The following GLI3 variants were observed in gnomAD, a reference collection of about 807,000 sequenced individuals.
The protein encoded by GLI3 is GLI family zinc finger 3.
In GLI3, 20 loss-of-function variants were observed where a neutral mutation model predicts 100.8. That is an observed-to-expected ratio of 0.20 (90% CI 0.14 to 0.29). The LOEUF (loss-of-function observed/expected upper bound fraction) is 0.29. GLI3 is among the 10% of genes least tolerant of loss of function. The pLI is 1.00. For missense variants in GLI3, 2,040 were observed against 2,128.5 expected (o/e 0.96, Z 0.82); for synonymous variants, 938 against 860.5 (o/e 1.09, Z -1.58).
chr7:42,004,459 A>G (rs1022390237), intron 10 of GLI3, among the ~76,000 whole-genome samples: 2 of 152,188 alleles, frequency 1.3e-5, no homozygotes, highest in Non-Finnish European at 2.9e-5. Context: ...ATAAAATAAA[A>G]AGAAACAAAA....
chr7:42,033,532 A>T (rs1376698681), intron 7 of GLI3, among the ~76,000 whole-genome samples: 1 of 152,214 alleles, frequency 6.6e-6, no homozygotes, highest in African/African-American at 2.4e-5. Context: ...GTCAGGCAAC[A>T]GGAACCACTG....
At chr7:42,238,256 G>A (rs1161568679), upstream of GLI3, among the ~76,000 whole-genome samples, 2 of 151,944 alleles carry the variant, frequency 1.3e-5, no homozygotes, top group African/African-American at 2.4e-5. Context: ...GCTGCGTCCT[G>A]TCTGCTCCCA....
intron 5 of GLI3, among the ~76,000 whole-genome samples, chr7:42,046,432 T>TA (rs750968097): frequency 6.6e-6 from 1 of 152,230 alleles, no homozygotes; most frequent in East Asian, 1.9e-4. Flanking sequence ...ATATACTTTT[T>TA]ATCCATGATA....
chr7:42,194,747 C>A (rs1367697701), intron 2 of GLI3, among the ~76,000 whole-genome samples: 1 of 126,644 alleles, frequency 7.9e-6, no homozygotes, highest in South Asian at 2.6e-4. Context: ...GCATCAACTT[C>A]TCTCTCTGTC....
chr7:42,158,688 A>T (rs549810136), intron 2 of GLI3, among the ~76,000 whole-genome samples: 83 of 152,156 alleles, frequency 5.5e-4, no homozygotes, highest in African/African-American at 1.5e-3. Context: ...ACAGGATTTC[A>T]CAATGTTGGC....
At chr7:42,253,953 T>A (rs182235284) in intron 1 of GLI3, among the ~76,000 whole-genome samples, 40 of 152,234 alleles carry the variant, frequency 2.6e-4, no homozygotes, top group Middle Eastern at 3.4e-3. Context: ...GACATGATGG[T>A]TCACGCCTGT....
At chr7:42,081,097 A>G (rs1784988769) in intron 3 of GLI3, among the ~76,000 whole-genome samples, 1 of 152,210 alleles carries the variant, frequency 6.6e-6, no homozygotes, top group Non-Finnish European at 1.5e-5. Context: ...CCTCCTATTT[A>G]TCATACAATT....
intron 6 of GLI3, among the ~76,000 whole-genome samples, chr7:42,041,606 T>C (rs1583502314): frequency 6.6e-6 from 1 of 152,166 alleles, no homozygotes; most frequent in East Asian, 1.9e-4. Flanking sequence ...AATTTTGCGG[T>C]ACCCAGAACA....
chr7:42,023,517 T>A lies in GLI3; in HGVS notation c.1448A>T (p.His483Leu). 1 of 1,613,938 alleles carries A rather than the reference T, an allele frequency of 6.2e-7. No homozygotes were observed. ...EPEVIYETNC[H>L]WEGCAREFDT... is the part of the protein sequence containing the mutation. ...GAACTCCCTCGCGCAGCCTTCCCAG[T>A]GGCAGTTTGTCTCATAGATGACTTC... The change falls in exon 10 of 15, where the codon CAC becomes CTC. Residue 483 changes from histidine to leucine, a missense_variant. By Grantham distance (99) the His-to-Leu change is moderately conservative. This residue lies in a region of GLI3 where 603 missense variants were observed against 690.9 expected (regional missense o/e 0.87). Transcript: ENST00000395925.
chr7:42,071,226 G>A (rs7804280), intron 4 of GLI3, among the ~76,000 whole-genome samples: 7,900 of 152,018 alleles, frequency 0.052, 332 homozygotes, highest in African/African-American at 0.12. Context: ...TGGGGGGGCG[G>A]TGGGGAGTGT....
chr7:42,207,382 T>A (rs1788177308), intron 2 of GLI3, among the ~76,000 whole-genome samples: 2 of 152,252 alleles, frequency 1.3e-5, no homozygotes, highest in African/African-American at 4.8e-5. Context: ...GACTTTTTAA[T>A]CTGTGTATTG....
intron 10 of GLI3, among the ~76,000 whole-genome samples, chr7:41,995,188 GTTTGT>G (rs1459602390): frequency 2.0e-5 from 3 of 152,220 alleles, no homozygotes; most frequent in African/African-American, 7.2e-5. Flanking sequence ...CAGGAGCATA[GTTTGT>G]TTAGCAAAAA....
chr7:41,997,880 C>A (rs925025653), intron 10 of GLI3, among the ~76,000 whole-genome samples: 2 of 152,166 alleles, frequency 1.3e-5, no homozygotes, highest in Admixed American at 1.3e-4. Context: ...TTAAGCCGTT[C>A]ACCAATCCAG....
chr7:42,144,800 C>A (rs1255805053), intron 3 of GLI3, among the ~76,000 whole-genome samples: 1 of 152,156 alleles, frequency 6.6e-6, no homozygotes, highest in Non-Finnish European at 1.5e-5. Context: ...CAATTTCCAA[C>A]CACAGAGAAA....
rs1205279722 is a variant in GLI3, at chr7:41,981,502, T to TA, written c.1498-2755dup. Reference sequence around the variant, plus strand: ...AGAAGGAGGTGCCAACAGTGGCCAGTAAAAAAAGGGACTCTCATATTTTCC... The same window carrying TA: ...AGAAGGAGGTGCCAACAGTGGCCAGTAAAAAAAAGGGACTCTCATATTTTCC... On this transcript the variant is annotated intron_variant, in intron 10 of 14. Coordinates refer to ENST00000395925, the MANE Select transcript of GLI3 (RefSeq NM_000168.6). 4.6e-5 allele frequency among the ~76,000 whole-genome samples: 7 copies of TA among 151,918 alleles called. 1 individual carries two copies. Among genetic ancestry groups the TA allele is most frequent in the Non-Finnish European group, 1.0e-4 (7 of 67,962 alleles).
chr7:41,980,129 A>G (rs1453363140), intron 10 of GLI3, among the ~76,000 whole-genome samples: 2 of 152,202 alleles, frequency 1.3e-5, no homozygotes, highest in African/African-American at 4.8e-5. Flanking sequence ...GCAGAGAGAG[A>G]GTGGTACATT....
intron 1 of GLI3, among the ~76,000 whole-genome samples, chr7:42,255,017 C>T (rs10253862): frequency 0.14 from 20,435 of 150,944 alleles, 2,388 homozygotes; most frequent in African/African-American, 0.32. Flanking sequence ...TTTCCATCTG[C>T]TCTTTGTGTT....
At chr7:42,213,128 T>C (rs140574573) in intron 2 of GLI3, among the ~76,000 whole-genome samples, 4 of 152,310 alleles carry the variant, frequency 2.6e-5, no homozygotes, top group African/African-American at 9.6e-5. Context: ...TTTCTCCCAT[T>C]TTCCCCATTA....
At chr7:42,118,978 C>T (rs1199065196) in intron 3 of GLI3, among the ~76,000 whole-genome samples, 1 of 152,212 alleles carries the variant, frequency 6.6e-6, no homozygotes, top group Non-Finnish European at 1.5e-5. Context: ...CAGCAAGGCT[C>T]CTTCAACCAC....
Sources: allele counts gnomAD v4.1 joint callset (sites outside exome capture counted in the v4.1 genomes callset), GRCh38; gene constraint gnomAD v4.1.1; regional missense constraint gnomAD v4.1.1; transcripts MANE v1.5; gene names NCBI Gene and HGNC (gene_info 2026-07-23, HGNC 2026-07-21).